PLOD2: variants seen among roughly 807,000 people sequenced by gnomAD.
The protein encoded by PLOD2 is procollagen-lysine,2-oxoglutarate 5-dioxygenase 2.
In PLOD2, 65 loss-of-function variants were observed where a neutral mutation model predicts 101.0. The ratio of observed to expected loss-of-function variants is 0.64; its 90% CI spans 0.53 to 0.79. The LOEUF (loss-of-function observed/expected upper bound fraction) is 0.79. Ranked by LOEUF, PLOD2 falls within the 30% of genes least tolerant of loss-of-function variation. The pLI is 0.00. For missense variants in PLOD2, 909 were observed against 914.6 expected (o/e 0.99, Z 0.08); for synonymous variants, 314 against 302.9 (o/e 1.04, Z -0.38).
At chr3:146,133,301 G>A (rs897974396) in intron 1 of PLOD2, among the ~76,000 whole-genome samples, 1 of 152,092 alleles carries the variant, frequency 6.6e-6, no homozygotes, top group African/African-American at 2.4e-5. Flanking sequence ...AGAAAACCTT[G>A]AAATAAATAC....
intron 1 of PLOD2, among the ~76,000 whole-genome samples, chr3:146,138,404 T>C (rs1231589521): frequency 6.6e-6 from 1 of 151,662 alleles, no homozygotes; most frequent in African/African-American, 2.4e-5. Context: ...CGAAGTGTCA[T>C]AGAGTGTCGC....
chr3:146,096,233 G>A (rs1360755247), intron 7 of PLOD2, among the ~76,000 whole-genome samples: 4 of 123,554 alleles, frequency 3.2e-5, no homozygotes, highest in Admixed American at 8.1e-5. Context: ...ATCTCGGCTC[G>A]CTACAACCAC....
rs76718163 is a variant in PLOD2, at chr3:146,160,834, C to G, written c.109+47G>C. On this transcript the variant is annotated intron_variant, in intron 1 of 19. Coordinates refer to ENST00000282903, the MANE Select transcript of PLOD2 (RefSeq NM_182943.3). The stretch of plus-strand genomic sequence containing the variant: ...GCTGGTGGATGAATGAACTGCCCCC[C>G]CGCCGGCCGAGCCTCGCGGGACAGC... The G allele has an allele frequency of 5.0e-3, 6,263 of 1,257,758 alleles. 244 individuals carry two copies. The African/African-American group carries it at 0.079, about 16-fold the overall frequency. 77.9% of individuals were successfully genotyped at this position (1,257,758 alleles called of 1,614,324 possible).
chr3:146,099,042 T>C (rs193122827), intron 7 of PLOD2, among the ~76,000 whole-genome samples: 59 of 152,280 alleles, frequency 3.9e-4, no homozygotes, highest in African/African-American at 1.4e-3. Context: ...ATACCAAATA[T>C]AATATCTATA....
At chr3:146,079,044 C>T in intron 13 of PLOD2, 72 bp downstream of exon 13, 1 of 1,484,172 alleles carries the variant, frequency 6.7e-7, no homozygotes, top group East Asian at 2.3e-5. Flanking sequence ...CATCAAAACA[C>T]AGTGACACAC....
Position 146,101,640 on chromosome 3 carries a change from T to G in PLOD2, c.777+1115A>C, listed in dbSNP as rs146960606. The stretch of plus-strand genomic sequence containing the variant: ...GAGTAGTGACAGCGAGTTATCTATA[T>G]TTTAAGAAACTTTGGCTGTGAAGGG... On this transcript the variant is annotated intron_variant, in intron 7 of 19. Coordinates refer to ENST00000282903, the MANE Select transcript of PLOD2 (RefSeq NM_182943.3). 2.6e-3 allele frequency among the ~76,000 whole-genome samples: 390 copies of G among 152,336 alleles called. 1 individual carries two copies. Among genetic ancestry groups the G allele is most frequent in the African/African-American group, 8.6e-3 (356 of 41,568 alleles).
intron 4 of PLOD2, among the ~76,000 whole-genome samples, chr3:146,109,522 C>T (rs761379633): frequency 6.6e-5 from 10 of 152,330 alleles, no homozygotes; most frequent in East Asian, 1.9e-4. Context: ...GTTATATACA[C>T]GTAGATCACC....
chr3:146,155,025 T>C (rs1217561252), intron 1 of PLOD2, among the ~76,000 whole-genome samples: 3 of 152,244 alleles, frequency 2.0e-5, no homozygotes, highest in Non-Finnish European at 4.4e-5. Flanking sequence ...TATTTGAAGA[T>C]ACTACATTTT....
chr3:146,079,305 T>C (rs763302391), intron 12 of PLOD2, 48 bp from the exon 13 acceptor site: 11 of 1,450,612 alleles, frequency 7.6e-6, no homozygotes, highest in African/African-American at 1.4e-5. Context: ...TACAAACAAT[T>C]TTAAGTTTCA....
intron 2 of PLOD2, among the ~76,000 whole-genome samples, chr3:146,122,669 A>C (rs1031235588): frequency 2.0e-5 from 3 of 152,130 alleles, no homozygotes; most frequent in Non-Finnish European, 4.4e-5. Flanking sequence ...ATGAGGAGAG[A>C]GCAAAAGGAT....
intron 12 of PLOD2, among the ~76,000 whole-genome samples, chr3:146,079,719 A>G (rs770749623): frequency 3.3e-5 from 5 of 152,038 alleles, no homozygotes; most frequent in African/African-American, 4.8e-5. Context: ...ACTTGAAATC[A>G]GCCATGGTAG....
intron 15 of PLOD2, 187 bp from the exon 16 acceptor site, chr3:146,073,539 T>C (rs1478640705): frequency 3.3e-6 from 1 of 302,020 alleles, no homozygotes; most frequent in Non-Finnish European, 6.3e-6. Context: ...TATGTCATTC[T>C]ATGAAATACA....
intron 7 of PLOD2, among the ~76,000 whole-genome samples, chr3:146,092,741 C>A (rs539775058): frequency 1.3e-5 from 2 of 152,078 alleles, no homozygotes; most frequent in South Asian, 4.2e-4. Flanking sequence ...CAGAGGTAGA[C>A]ACACTTAGAT....
intron 9 of PLOD2, among the ~76,000 whole-genome samples, chr3:146,088,154 C>A (rs1300865480): frequency 6.6e-6 from 1 of 151,530 alleles, no homozygotes; most frequent in Admixed American, 6.6e-5. Context: ...GAATGGCATG[C>A]CCTTGTGTAA....
At chr3:146,160,596 T>G (rs998126539) in intron 1 of PLOD2, among the ~76,000 whole-genome samples, 5 of 152,046 alleles carry the variant, frequency 3.3e-5, no homozygotes, top group East Asian at 3.9e-4. Flanking sequence ...TTGGTGCCCA[T>G]GACCTGCAAG....
chr3:146,108,940 T>C (rs1937581062), intron 4 of PLOD2, among the ~76,000 whole-genome samples: 1 of 152,168 alleles, frequency 6.6e-6, no homozygotes. Context: ...TTAGAATAAG[T>C]TGCAAGATTA....
At chr3:146,150,757 ATTG>A (rs1179058481) in intron 1 of PLOD2, among the ~76,000 whole-genome samples, 3 of 152,178 alleles carry the variant, frequency 2.0e-5, no homozygotes, top group Non-Finnish European at 4.4e-5. Flanking sequence ...TACCAGCATA[ATTG>A]TTATTAATTT....
At chr3:146,112,457 A>G (rs1937682946) in intron 3 of PLOD2, among the ~76,000 whole-genome samples, 1 of 152,004 alleles carries the variant, frequency 6.6e-6, no homozygotes, top group South Asian at 2.1e-4. Context: ...ATGAGAATAC[A>G]TGGACACAGA....
intron 2 of PLOD2, among the ~76,000 whole-genome samples, chr3:146,121,791 A>G (rs1407830011): frequency 2.6e-5 from 4 of 152,178 alleles, no homozygotes; most frequent in Admixed American, 6.5e-5. Flanking sequence ...GGATTTTTCA[A>G]TGCAAGATAT....
Sources: allele counts gnomAD v4.1 joint callset (sites outside exome capture counted in the v4.1 genomes callset), GRCh38; gene constraint gnomAD v4.1.1; transcripts MANE v1.5; gene names NCBI Gene and HGNC (gene_info 2026-07-23, HGNC 2026-07-21).